DOP1B: variants seen among roughly 807,000 people sequenced by gnomAD.
DOP1B encodes protein DOP1B.
A neutral mutation model predicts 233.5 loss-of-function variants in DOP1B; 174 were observed. The ratio of observed to expected loss-of-function variants is 0.75; its 90% CI spans 0.66 to 0.85. The LOEUF is 0.85. Ranked by LOEUF, DOP1B falls within the 40% of genes least tolerant of loss-of-function variation. The probability of loss-of-function intolerance (pLI) is 0.00; values close to 1 mark genes in which losing one functional copy is unlikely to be tolerated. For missense variants in DOP1B, 2,652 were observed against 2,846.6 expected, an observed-to-expected ratio of 0.93 and a Z score of 1.56; for synonymous variants, 1,190 against 1,185.6, an observed-to-expected ratio of 1.00 and a Z score of -0.08.
chr21:36,243,360 CTT>C (rs2066914770), intron 18 of DOP1B, among the ~76,000 whole-genome samples: 1 of 150,012 alleles, frequency 6.7e-6, no homozygotes, highest in Admixed American at 6.6e-5. Context: ...TTTTTTTTTC[CTT>C]TTCTTCTTTT....
intron 2 of DOP1B, chr21:36,169,438 C>T (rs1568996999): frequency 1.9e-6 from 2 of 1,042,278 alleles, no homozygotes; most frequent in Non-Finnish European, 3.0e-6. Context: ...CCACCTTGCA[C>T]AGGCCTCGGT....
chr21:36,161,753 T>C (rs948596208), intron 1 of DOP1B, among the ~76,000 whole-genome samples: 3 of 152,184 alleles, frequency 2.0e-5, no homozygotes, highest in Non-Finnish European at 2.9e-5. Context: ...CCGTGCCCAG[T>C]GGCCATTACT....
chr21:36,241,788 G>A (rs796143036), intron 18 of DOP1B, among the ~76,000 whole-genome samples: 3 of 144,372 alleles, frequency 2.1e-5, no homozygotes, highest in Admixed American at 7.3e-5. Flanking sequence ...TGATCCTCCC[G>A]CCTCAGCCTC....
chr21:36,204,087 C>T lies in DOP1B; in HGVS notation c.491+3586C>T, dbSNP rs988558426. ...TTTCAATGTAGTAGTAATTTTGCCT[C>T]TCAGGGTACATTTGACAATATCTGG... On this transcript the variant is annotated intron_variant, in intron 4 of 36. Transcript: ENST00000691173. Among the ~76,000 whole-genome samples, 3 of 152,126 alleles carry T rather than the reference C, an allele frequency of 2.0e-5. No individual in the cohort carries two copies. The South Asian group carries it at 6.2e-4, about 32-fold the overall frequency.
rs1569053699 is a variant in DOP1B at position 36,253,888 on chromosome 21, C to G, written c.5238C>G (p.Pro1746=). 7 of 1,613,880 alleles carry G rather than the reference C, an allele frequency of 4.3e-6. No homozygotes were observed. Among genetic ancestry groups the G allele is most frequent in the Non-Finnish European group, 5.9e-6 (7 of 1,179,940 alleles). ...TGAAGGAGGTGGTGAAGAGGCCACCCCAAGTCAAAGGGGGTGATGAGGTGA... is the reference window on the plus strand; with the variant it reads ...TGAAGGAGGTGGTGAAGAGGCCACCGCAAGTCAAAGGGGGTGATGAGGTGA... ...HLVKEVVKRP[P]QVKGGDEKSP... The change falls in exon 23 of 37, where the codon CCC becomes CCG. Residue 1746 remains proline, a synonymous_variant. Coordinates refer to ENST00000691173, the MANE Select transcript of DOP1B (RefSeq NM_001320714.2).
chr21:36,187,037 A>C (rs1202248378), intron 2 of DOP1B, among the ~76,000 whole-genome samples: 1 of 152,014 alleles, frequency 6.6e-6, no homozygotes, highest in African/African-American at 2.4e-5. Flanking sequence ...AAACTGATAA[A>C]AATGAGCTTC....
At chr21:36,167,940 C>CTTTTTTTT (rs869190433) in intron 2 of DOP1B, among the ~76,000 whole-genome samples, 48 of 39,996 alleles carry the variant, frequency 1.2e-3, no homozygotes, top group African/African-American at 2.7e-3. Flanking sequence ...TTTTCTTTTT[C>CTTTTTTTT]TTTTTTTTTT....
At chr21:36,196,385 C>T (rs1226921182) in intron 2 of DOP1B, among the ~76,000 whole-genome samples, 1 of 152,134 alleles carries the variant, frequency 6.6e-6, no homozygotes, top group African/African-American at 2.4e-5. Flanking sequence ...CCTGACCGTT[C>T]TATGTGTTTG....
intron 15 of DOP1B, 107 bp from the exon 16 acceptor site, chr21:36,237,155 A>T: frequency 7.0e-7 from 1 of 1,425,442 alleles, no homozygotes; most frequent in Non-Finnish European, 9.8e-7. Flanking sequence ...CATGGCAAGT[A>T]TAGGTGAGAT....
intron 2 of DOP1B, among the ~76,000 whole-genome samples, chr21:36,177,070 C>CT (rs747045983): frequency 8.5e-5 from 13 of 152,210 alleles, no homozygotes; most frequent in Non-Finnish European, 1.6e-4. Context: ...GCCTCGACCT[C>CT]CCAAAGTGCT....
chr21:36,260,347 T>C (rs2067156480), intron 23 of DOP1B, among the ~76,000 whole-genome samples: 1 of 151,908 alleles, frequency 6.6e-6, no homozygotes. Flanking sequence ...TTCACTGGAG[T>C]CAACACTGGC....
chr21:36,269,055 G>A (rs1214532847), intron 26 of DOP1B, among the ~76,000 whole-genome samples: 4 of 152,236 alleles, frequency 2.6e-5, no homozygotes, highest in Admixed American at 1.3e-4. Flanking sequence ...AAAGAAAAAT[G>A]TGGTAGTCTG....
At position 36,253,799 on chromosome 21, in the gene DOP1B, C is replaced by T. The variant is rs1261481407; in HGVS notation, c.5149C>T (p.Leu1717=). 6.2e-7 allele frequency: 1 copy of T among 1,613,650 alleles called. No individual in the cohort carries two copies. The highest frequency in any genetic ancestry group is 8.5e-7 in the Non-Finnish European group (1 of 1,179,870). Residue 1717 remains leucine, a synonymous_variant, in exon 23 of 37, where the codon CTA becomes TTA. Coordinates refer to ENST00000691173, the MANE Select transcript of DOP1B (RefSeq NM_001320714.2). ...TATCCCAACGGCAAGTGCATCCCAG[C>T]TAACCCTTGTCGACTTGGTGTGTGC... ...KIIPTASASQ[L]TLVDLVCALS...
chr21:36,274,221 G>A (rs2067324574), intron 27 of DOP1B, among the ~76,000 whole-genome samples: 2 of 152,174 alleles, frequency 1.3e-5, no homozygotes, highest in South Asian at 2.1e-4. Flanking sequence ...TATTGGATGA[G>A]CACAGAAACT....
At chr21:36,219,195 G>A (rs1284497988) in intron 9 of DOP1B, among the ~76,000 whole-genome samples, 177 bp from the exon 10 acceptor site, 3 of 152,180 alleles carry the variant, frequency 2.0e-5, no homozygotes, top group Non-Finnish European at 4.4e-5. Context: ...TTTCATGAAT[G>A]TTGTTTCCCC....
chr21:36,227,205 C>T (rs574772046), intron 12 of DOP1B, among the ~76,000 whole-genome samples: 1 of 147,710 alleles, frequency 6.8e-6, no homozygotes, highest in Non-Finnish European at 1.5e-5. Context: ...GAGACTTCAT[C>T]TCAAAAAAAT....
chr21:36,157,302 C>T (rs2065828644), intron 1 of DOP1B, among the ~76,000 whole-genome samples: 1 of 152,034 alleles, frequency 6.6e-6, no homozygotes, highest in African/African-American at 2.4e-5. Context: ...GCCCGCGCGC[C>T]CTCCCGGGGC....
At chr21:36,170,122 T>G in intron 2 of DOP1B, 1 of 565,756 alleles carries the variant, frequency 1.8e-6, no homozygotes, top group Non-Finnish European at 3.3e-6. Flanking sequence ...ATTTCTTCAC[T>G]CCTATGGCAG....
chr21:36,192,833 G>T (rs980172659), intron 2 of DOP1B, among the ~76,000 whole-genome samples: 3 of 151,340 alleles, frequency 2.0e-5, no homozygotes, highest in Non-Finnish European at 4.4e-5. Flanking sequence ...GACTACAGGC[G>T]CCCGCCACCA....
Sources: gnomAD v4.1 joint callset for allele counts (sites outside exome capture counted in the v4.1 genomes callset) on GRCh38, gnomAD v4.1.1 for gene constraint, MANE v1.5 for transcripts, NCBI Gene and HGNC (gene_info 2026-07-23, HGNC 2026-07-21) for gene names.